Variants in RORB observed in about 807,000 individuals in gnomAD.
RORB encodes RAR related orphan receptor B.
Under a neutral mutation model 59.1 loss-of-function variants are expected in RORB, and 6 were observed. That is an observed-to-expected ratio of 0.10 (90% confidence interval 0.06 to 0.20). RORB has a LOEUF of 0.20. Ranked by LOEUF, RORB falls within the 10% of genes least tolerant of loss-of-function variation. The pLI is 1.00. For missense variants in RORB, 320 were observed against 560.5 expected, an observed-to-expected ratio of 0.57 and a Z score of 4.33; for synonymous variants, 215 against 204.5, an observed-to-expected ratio of 1.05 and a Z score of -0.44.
chr9:74,508,318 A>G (rs1398994790), intron 1 of RORB, among the ~76,000 whole-genome samples: 1 of 151,998 alleles, frequency 6.6e-6, no homozygotes, highest in Non-Finnish European at 1.5e-5. Flanking sequence ...ATAACCAAAG[A>G]TAAGTTCTGG....
intron 1 of RORB, among the ~76,000 whole-genome samples, chr9:74,610,923 G>C (rs1016321459): frequency 6.6e-6 from 1 of 152,114 alleles, no homozygotes; most frequent in African/African-American, 2.4e-5. Flanking sequence ...TGACTTTGCT[G>C]GTCTGGGGAC....
At chr9:74,548,189 G>A (rs1303739262) in intron 1 of RORB, among the ~76,000 whole-genome samples, 5 of 152,300 alleles carry the variant, frequency 3.3e-5, no homozygotes, top group African/African-American at 9.6e-5. Context: ...GGGTGAGGGC[G>A]GGGCAGATCA....
At chr9:74,594,243 C>T (rs1822941055) in intron 1 of RORB, among the ~76,000 whole-genome samples, 2 of 152,188 alleles carry the variant, frequency 1.3e-5, no homozygotes, top group South Asian at 4.1e-4. Context: ...GAGACCTTTG[C>T]ATTATCTGCA....
At chr9:74,573,479 A>C (rs1056439594) in intron 1 of RORB, among the ~76,000 whole-genome samples, 3 of 151,270 alleles carry the variant, frequency 2.0e-5, no homozygotes, top group African/African-American at 2.4e-5. Flanking sequence ...AAAAAAAAAA[A>C]AAAAAACTGG....
chr9:74,647,522 A>G (rs1216403820), intron 4 of RORB, among the ~76,000 whole-genome samples: 1 of 152,210 alleles, frequency 6.6e-6, no homozygotes, highest in Non-Finnish European at 1.5e-5. Flanking sequence ...TCTATTCAGT[A>G]ACTTTCTCTC....
chr9:74,537,570 A>T (rs954032006), intron 1 of RORB, among the ~76,000 whole-genome samples: 6 of 152,082 alleles, frequency 3.9e-5, no homozygotes, highest in Non-Finnish European at 8.8e-5. Context: ...TCTGCTTCAA[A>T]AATAAGCATT....
At chr9:74,524,869 T>C (rs1032153151) in intron 1 of RORB, among the ~76,000 whole-genome samples, 1 of 151,866 alleles carries the variant, frequency 6.6e-6, no homozygotes. Context: ...AAATATGTCT[T>C]TGATTCTAAT....
intron 4 of RORB, among the ~76,000 whole-genome samples, chr9:74,651,584 A>G (rs953898545): frequency 5.9e-5 from 9 of 151,956 alleles, no homozygotes; most frequent in African/African-American, 2.2e-4. Context: ...TCCAGACTCA[A>G]GTTGTCAAGC....
intron 1 of RORB, among the ~76,000 whole-genome samples, chr9:74,542,384 G>T (rs1826422110): frequency 6.6e-6 from 1 of 152,306 alleles, no homozygotes; most frequent in African/African-American, 2.4e-5. Flanking sequence ...AATGAAAAAT[G>T]TATTGTTTGA....
chr9:74,612,874 T>C (rs974293829), intron 1 of RORB, among the ~76,000 whole-genome samples: 1 of 152,194 alleles, frequency 6.6e-6, no homozygotes, highest in African/African-American at 2.4e-5. Context: ...AGTTCTTAAA[T>C]GGTTTTCTTA....
intron 1 of RORB, among the ~76,000 whole-genome samples, chr9:74,622,519 A>ATTTTTTTTTTTTTTTTT (rs33946613): frequency 2.7e-5 from 2 of 74,142 alleles, no homozygotes; most frequent in African/African-American, 5.6e-5. Flanking sequence ...TACAACCCAG[A>ATTTTTTTTTTTTTTTTT]TTTTTTTTTT....
chr9:74,548,158 C>T (rs774823086), intron 1 of RORB, among the ~76,000 whole-genome samples: 49 of 152,144 alleles, frequency 3.2e-4, no homozygotes, highest in African/African-American at 8.2e-4. Flanking sequence ...TTACCCATAA[C>T]GGCATGACCG....
chr9:74,567,566 T>C (rs773304526), intron 1 of RORB, among the ~76,000 whole-genome samples: 12 of 152,034 alleles, frequency 7.9e-5, no homozygotes, highest in Non-Finnish European at 1.6e-4. Context: ...ACATGATAAA[T>C]GTAGGGGGAA....
At chr9:74,645,805 T>C (rs1438966956) in intron 4 of RORB, among the ~76,000 whole-genome samples, 2 of 152,154 alleles carry the variant, frequency 1.3e-5, no homozygotes, top group African/African-American at 4.8e-5. Flanking sequence ...AGAACACTTA[T>C]AAGCCCATAT....
intron 1 of RORB, among the ~76,000 whole-genome samples, chr9:74,572,127 T>A (rs1426806844): frequency 6.6e-6 from 1 of 152,166 alleles, no homozygotes; most frequent in Non-Finnish European, 1.5e-5. Flanking sequence ...ACTATTATTG[T>A]ACCATGCGAT....
intron 1 of RORB, among the ~76,000 whole-genome samples, chr9:74,549,896 T>A (rs991426038): frequency 2.6e-5 from 4 of 151,896 alleles, no homozygotes; most frequent in Non-Finnish European, 5.9e-5. Flanking sequence ...GCCCGGCTAA[T>A]CTTTTGCATT....
rs368280943 is a variant in RORB at position 74,564,519 on chromosome 9, G to A, written c.8-65763G>A. ...AAGCCCACCATTTTCTCCCATTTGGGTAGATTGCTGAAAAGCATTGTACTT... is the reference window on the plus strand; with the variant it reads ...AAGCCCACCATTTTCTCCCATTTGGATAGATTGCTGAAAAGCATTGTACTT... On this transcript the variant is annotated intron_variant, in intron 1 of 9. Coordinates refer to ENST00000376896, the MANE Select transcript of RORB (RefSeq NM_006914.4). Among the ~76,000 whole-genome samples, 30 of 152,260 alleles carry A rather than the reference G, an allele frequency of 2.0e-4. No homozygotes were observed. In the South Asian group the frequency reaches 5.8e-3, roughly 29 times the overall value.
chr9:74,663,573 T>G (rs1423310139), intron 6 of RORB, among the ~76,000 whole-genome samples: 6 of 152,176 alleles, frequency 3.9e-5, no homozygotes, highest in African/African-American at 1.4e-4. Flanking sequence ...ACTGCAAAAT[T>G]TAACTAAAAC....
chr9:74,513,612 C>A (rs929284788), intron 1 of RORB, among the ~76,000 whole-genome samples: 1 of 151,534 alleles, frequency 6.6e-6, no homozygotes, highest in Non-Finnish European at 1.5e-5. Flanking sequence ...AGTGGTATAA[C>A]CTAGTAACTA....
Sources: allele counts gnomAD v4.1 joint callset (sites outside exome capture counted in the v4.1 genomes callset), GRCh38; gene constraint gnomAD v4.1.1; transcripts MANE v1.5; gene names NCBI Gene and HGNC (gene_info 2026-07-23, HGNC 2026-07-21).